Variants in PDZRN3 observed in about 807,000 individuals in gnomAD.
The protein encoded by PDZRN3 is E3 ubiquitin-protein ligase PDZRN3.
A neutral mutation model predicts 85.7 loss-of-function variants in PDZRN3; 38 were observed. The observed-to-expected ratio is 0.44, with a 90% CI of 0.34 to 0.58. The LOEUF (loss-of-function observed/expected upper bound fraction) is 0.58, where lower values mean the gene tolerates loss of function less well. PDZRN3 is among the 20% of genes least tolerant of loss of function. PDZRN3 has a pLI of 0.01. For missense variants in PDZRN3, 1,629 were observed against 1,506.4 expected (o/e 1.08, Z -1.35); for synonymous variants, 759 against 638.0 (o/e 1.19, Z -2.86).
Position 73,385,726 on chromosome 3 carries a change from G to A in PDZRN3, c.1578C>T (p.Asp526=), listed in dbSNP as rs1387433592. ...RNDFLDDLHM[D]MLEEQHHQAM... is the part of the protein sequence containing the mutation. ...CCTGGTGGTGCTGCTCCTCCAGCATGTCCATGTGCAGGTCATCCAGAAAGT... is the reference window on the plus strand; with the variant it reads ...CCTGGTGGTGCTGCTCCTCCAGCATATCCATGTGCAGGTCATCCAGAAAGT... Residue 526 remains aspartate (D), a synonymous_variant, in exon 9 of 10, where the codon GAC becomes GAT. Transcript: ENST00000263666. 17 of 1,614,014 alleles carry A rather than the reference G, an allele frequency of 1.1e-5. No homozygotes were observed. Among genetic ancestry groups the A allele is most frequent in the Non-Finnish European group, 1.4e-5 (17 of 1,179,898 alleles).
At position 73,384,925 on chromosome 3, in the gene PDZRN3, C is replaced by A. The variant is rs1368788416; in HGVS notation, c.1641G>T (p.Lys547Asn). The A allele has an allele frequency of 1.3e-6, 2 of 1,595,766 alleles. No individual in the cohort carries two copies. The highest frequency in any genetic ancestry group is 1.7e-6 in the Non-Finnish European group (2 of 1,170,038). The change falls in exon 10 of 10, where the codon AAG becomes AAT. Residue 547 changes from lysine to asparagine, a missense_variant. Lys to Asn is a moderately conservative substitution (Grantham distance 94). Coordinates refer to ENST00000263666, the MANE Select transcript of PDZRN3 (RefSeq NM_015009.3). ...QFTASVLQQK[K>N]HDEDGGTTDT... Reference sequence around the variant, plus strand: ...CTGTGGTCCCACCGTCTTCGTCGTGCTTCTTCTGCATAAACACAAGAACAA... The same window carrying A: ...CTGTGGTCCCACCGTCTTCGTCGTGATTCTTCTGCATAAACACAAGAACAA...
intron 3 of PDZRN3, among the ~76,000 whole-genome samples, chr3:73,534,009 C>T (rs918519765): frequency 2.6e-5 from 4 of 152,078 alleles, no homozygotes; most frequent in African/African-American, 9.7e-5. Flanking sequence ...TTATTATTTT[C>T]TATTTATAAC....
intron 3 of PDZRN3, among the ~76,000 whole-genome samples, chr3:73,427,767 G>A (rs892889337): frequency 1.1e-4 from 17 of 152,188 alleles, no homozygotes; most frequent in African/African-American, 3.1e-4. Flanking sequence ...AACACATCCT[G>A]AACAGTTACT....
chr3:73,590,077 T>C (rs1702334066), intron 3 of PDZRN3, among the ~76,000 whole-genome samples: 1 of 152,056 alleles, frequency 6.6e-6, no homozygotes, highest in African/African-American at 2.4e-5. Flanking sequence ...AAGACCCTCC[T>C]GGAAAACATG....
intron 3 of PDZRN3, among the ~76,000 whole-genome samples, chr3:73,477,630 C>T (rs140609630): frequency 1.1e-3 from 172 of 152,240 alleles, no homozygotes; most frequent in African/African-American, 4.0e-3. Context: ...TTTTAAATTC[C>T]TATTTAAGGA....
intron 3 of PDZRN3, chr3:73,433,749 AC>A: frequency 6.5e-7 from 1 of 1,534,702 alleles, no homozygotes; most frequent in South Asian, 1.2e-5. Context: ...TCTCGCCAGC[AC>A]CCGGGAAAAG....
chr3:73,448,870 G>A (rs574352830), intron 3 of PDZRN3, among the ~76,000 whole-genome samples: 1 of 152,252 alleles, frequency 6.6e-6, no homozygotes, highest in South Asian at 2.1e-4. Flanking sequence ...AGTCAGGACA[G>A]GCACCTTTTA....
rs1335511126 is a variant in PDZRN3 at position 73,383,716 on chromosome 3, G to T, written c.2850C>A (p.Ile950=). ...TGGTCATGCCGCTGCGCTCTTCCCG[G>T]ATCTTCAGGGCGCGCTCCCGCAGCA... ...DRLLRERALK[I]REERSGMTTD... is the part of the protein sequence containing the mutation. The change falls in exon 10 of 10, where the codon ATC becomes ATA. Residue 950 remains isoleucine, a synonymous_variant. Transcript: ENST00000263666. The T allele has an allele frequency of 6.8e-6, 11 of 1,611,578 alleles. No homozygotes were observed. Among genetic ancestry groups the T allele is most frequent in the Non-Finnish European group, 9.3e-6 (11 of 1,180,002 alleles).
rs374082761 is a variant in PDZRN3, at chr3:73,383,715, G to A, written c.2851C>T (p.Arg951Trp). 7 of 1,611,648 alleles carry A rather than the reference G, an allele frequency of 4.3e-6. No individual in the cohort carries two copies. The South Asian group carries it at 5.5e-5, about 13-fold the overall frequency. ...RLLRERALKI[R>W]EERSGMTTDD... ...GTGGTCATGCCGCTGCGCTCTTCCCGGATCTTCAGGGCGCGCTCCCGCAGC... is the reference window on the plus strand; with the variant it reads ...GTGGTCATGCCGCTGCGCTCTTCCCAGATCTTCAGGGCGCGCTCCCGCAGC... Residue 951 changes from arginine to tryptophan, a missense_variant, in exon 10 of 10, where the codon CGG becomes TGG. Physicochemically the swap from Arg to Trp is moderately radical, Grantham distance 101. Coordinates refer to ENST00000263666, the MANE Select transcript of PDZRN3 (RefSeq NM_015009.3).
rs115914009 is a variant in PDZRN3 at position 73,468,557 on chromosome 3, G to T, written c.919-64162C>A. Reference sequence around the variant, plus strand: ...GAGAATGCTTAATGTTTGAACAGAAGCCCTATCTCCTGGGCTGTAAAAGTC... The same window carrying T: ...GAGAATGCTTAATGTTTGAACAGAATCCCTATCTCCTGGGCTGTAAAAGTC... On this transcript the variant is annotated intron_variant, in intron 3 of 9. Transcript: ENST00000263666. Among the ~76,000 whole-genome samples the T allele has an allele frequency of 3.1e-3, 472 of 152,124 alleles. 2 individuals are homozygous for T. The highest frequency in any genetic ancestry group is 0.011 in the African/African-American group (443 of 41,522).
intron 3 of PDZRN3, among the ~76,000 whole-genome samples, chr3:73,593,074 T>G (rs943836867): frequency 6.8e-6 from 1 of 146,670 alleles, no homozygotes; most frequent in Non-Finnish European, 1.5e-5. Flanking sequence ...CAGCAACAGA[T>G]GAAAAGACAA....
At chr3:73,548,170 G>C (rs1051551161) in intron 3 of PDZRN3, among the ~76,000 whole-genome samples, 2 of 152,128 alleles carry the variant, frequency 1.3e-5, no homozygotes, top group Non-Finnish European at 2.9e-5. Flanking sequence ...ATGGGGCTTT[G>C]ATATCCACCA....
intron 3 of PDZRN3, among the ~76,000 whole-genome samples, chr3:73,445,674 T>C (rs938389793): frequency 1.1e-4 from 17 of 152,226 alleles, no homozygotes; most frequent in African/African-American, 3.9e-4. Flanking sequence ...TTTAACATTC[T>C]CTGAGAAAAT....
Position 73,463,146 on chromosome 3 carries a change from C to G in PDZRN3, c.919-58751G>C, listed in dbSNP as rs80166561. Among the ~76,000 whole-genome samples, 23 of 152,270 alleles carry G rather than the reference C, an allele frequency of 1.5e-4. No individual in the cohort carries two copies. In the East Asian group the frequency reaches 4.3e-3, roughly 28 times the overall value. ...AGAGGTGGTCATCTTGTTGGGCGAGCCATGGCCAAATTCCTGCTTTCCCAG... is the reference window on the plus strand; with the variant it reads ...AGAGGTGGTCATCTTGTTGGGCGAGGCATGGCCAAATTCCTGCTTTCCCAG... On this transcript the variant is annotated intron_variant, in intron 3 of 9. Transcript: ENST00000263666.
intron 3 of PDZRN3, among the ~76,000 whole-genome samples, chr3:73,596,991 TA>T (rs1234803359): frequency 1.3e-5 from 2 of 152,158 alleles, no homozygotes; most frequent in Admixed American, 6.6e-5. Context: ...AAGAATAAAG[TA>T]AATGTAGTAG....
At chr3:73,388,319 T>G (rs1411883910) in intron 7 of PDZRN3, among the ~76,000 whole-genome samples, 1 of 151,938 alleles carries the variant, frequency 6.6e-6, no homozygotes. Flanking sequence ...ATGTGTGGGG[T>G]GTGAACAGAA....
At chr3:73,549,486 C>A (rs913091755) in intron 3 of PDZRN3, among the ~76,000 whole-genome samples, 1 of 152,166 alleles carries the variant, frequency 6.6e-6, no homozygotes, top group Non-Finnish European at 1.5e-5. Flanking sequence ...TACAAGTTCA[C>A]ACTTCTATAA....
intron 3 of PDZRN3, among the ~76,000 whole-genome samples, chr3:73,482,013 T>C (rs1027788715): frequency 1.3e-5 from 2 of 152,114 alleles, no homozygotes; most frequent in African/African-American, 4.8e-5. Context: ...GGCAAACAAA[T>C]GGTTTTCAAC....
At chr3:73,386,370 T>C (rs1468674857) in intron 8 of PDZRN3, among the ~76,000 whole-genome samples, 1 of 151,900 alleles carries the variant, frequency 6.6e-6, no homozygotes, top group Non-Finnish European at 1.5e-5. Context: ...CTAATTTTGG[T>C]ATTTTTAGTA....
Sources: gnomAD v4.1 joint callset for allele counts (sites outside exome capture counted in the v4.1 genomes callset) on GRCh38, gnomAD v4.1.1 for gene constraint, MANE v1.5 for transcripts, NCBI Gene and HGNC (gene_info 2026-07-23, HGNC 2026-07-21) for gene names.